The following MAML3 variants were observed in gnomAD, a reference collection of about 807,000 sequenced individuals.
MAML3 encodes the protein mastermind like transcriptional coactivator 3.
Under a neutral mutation model 101.9 loss-of-function variants are expected in MAML3, and 27 were observed. The ratio of observed to expected loss-of-function variants is 0.27; its 90% CI spans 0.20 to 0.37. MAML3 has a LOEUF of 0.37. MAML3 is among the 10% of genes least tolerant of loss of function. The pLI is 1.00. For missense variants in MAML3, 1,316 were observed against 1,444.9 expected (o/e 0.91, Z 1.45); for synonymous variants, 501 against 555.9 (o/e 0.90, Z 1.39).
At chr4:139,927,430 C>T (rs1233982294) in intron 1 of MAML3, among the ~76,000 whole-genome samples, 1 of 152,160 alleles carries the variant, frequency 6.6e-6, no homozygotes, top group African/African-American at 2.4e-5. Flanking sequence ...AGCAAATAAG[C>T]ATTTTAAGTG....
chr4:140,028,145 G>T (rs750868614), intron 1 of MAML3, among the ~76,000 whole-genome samples: 26 of 152,138 alleles, frequency 1.7e-4, no homozygotes, highest in Non-Finnish European at 2.8e-4. Flanking sequence ...AGGGGCTCTT[G>T]TTCTGTGAAG....
At chr4:139,748,681 G>A (rs1205017378) in intron 2 of MAML3, among the ~76,000 whole-genome samples, 1 of 152,174 alleles carries the variant, frequency 6.6e-6, no homozygotes, top group Non-Finnish European at 1.5e-5. Context: ...TCTGGGGTAA[G>A]GAGCAAAAGC....
At chr4:140,008,362 AG>A (rs915926894) in intron 1 of MAML3, among the ~76,000 whole-genome samples, 38 of 152,274 alleles carry the variant, frequency 2.5e-4, no homozygotes, top group Admixed American at 3.3e-4. Context: ...AAAAAAAAAA[AG>A]AATCTTTAAA....
chr4:139,888,789 T>C (rs1297274072), intron 2 of MAML3, among the ~76,000 whole-genome samples: 3 of 152,268 alleles, frequency 2.0e-5, no homozygotes, highest in African/African-American at 7.2e-5. Flanking sequence ...GTTGCTAGTC[T>C]AGCAGCAAGT....
rs367727388 is a variant in MAML3 at position 139,719,674 on chromosome 4, G to T, written c.3066C>A (p.Asn1022Lys). ...DANTGTVRTL[N>K]PAAMGRQMMP... ...TCATCTGCCGACCCATGGCAGCTGG[G>T]TTGAGGGTCCTCACTGTGCCCGTGT... Residue 1022 changes from asparagine (N) to lysine (K), a missense_variant, in exon 5 of 5, where the codon AAC becomes AAA. Transcript: ENST00000509479. 2.4e-5 allele frequency: 39 copies of T among 1,613,258 alleles called. No homozygotes were observed. The highest frequency in any genetic ancestry group is 3.2e-5 in the Non-Finnish European group (38 of 1,179,708).
chr4:139,982,843 AT>A (rs1486280293), intron 1 of MAML3, among the ~76,000 whole-genome samples: 1 of 152,146 alleles, frequency 6.6e-6, no homozygotes, highest in Non-Finnish European at 1.5e-5. Flanking sequence ...CCATCTACTT[AT>A]TTAATCATTC....
chr4:140,004,077 C>T (rs1726394849), intron 1 of MAML3, among the ~76,000 whole-genome samples: 1 of 152,202 alleles, frequency 6.6e-6, no homozygotes, highest in Admixed American at 6.5e-5. Context: ...GCCCTTAATG[C>T]TTTACTTTGC....
chr4:140,113,489 T>C (rs1728471100), intron 1 of MAML3, among the ~76,000 whole-genome samples: 1 of 152,132 alleles, frequency 6.6e-6, no homozygotes, highest in African/African-American at 2.4e-5. Flanking sequence ...TGCACTGTAG[T>C]AGACTATTTC....
chr4:139,885,862 G>GGTGGA (rs1732322666), intron 2 of MAML3, among the ~76,000 whole-genome samples: 1 of 144,540 alleles, frequency 6.9e-6, no homozygotes, highest in South Asian at 2.3e-4. Context: ...GAACCCGGGA[G>GGTGGA]GTGGAGTTTG....
chr4:140,112,788 C>T (rs544620364), intron 1 of MAML3, among the ~76,000 whole-genome samples: 6 of 152,238 alleles, frequency 3.9e-5, no homozygotes, highest in South Asian at 4.1e-4. Context: ...TTCCACTTGT[C>T]GGGAAAATTG....
At chr4:140,105,134 T>C (rs562225118) in intron 1 of MAML3, among the ~76,000 whole-genome samples, 1 of 152,258 alleles carries the variant, frequency 6.6e-6, no homozygotes, top group South Asian at 2.1e-4. Context: ...AGACCCTCCA[T>C]GTTCCTCAAA....
chr4:140,077,955 T>G (rs1353442713), intron 1 of MAML3, among the ~76,000 whole-genome samples: 1 of 151,624 alleles, frequency 6.6e-6, no homozygotes, highest in Non-Finnish European at 1.5e-5. Context: ...GAGGCAGAGG[T>G]TGCAGTGAGC....
chr4:140,015,390 T>C (rs532677354), intron 1 of MAML3, among the ~76,000 whole-genome samples: 27 of 152,312 alleles, frequency 1.8e-4, no homozygotes, highest in African/African-American at 6.3e-4. Context: ...CTCTATAATT[T>C]CTTAAGGTAA....
chr4:139,811,406 GT>G (rs1730795902), intron 2 of MAML3, among the ~76,000 whole-genome samples: 1 of 152,190 alleles, frequency 6.6e-6, no homozygotes, highest in South Asian at 2.1e-4. Context: ...CTGCTCTGGA[GT>G]TACGGTCTGG....
chr4:140,128,986 GT>G (rs1357261904), intron 1 of MAML3, among the ~76,000 whole-genome samples: 7 of 152,050 alleles, frequency 4.6e-5, no homozygotes, highest in Non-Finnish European at 8.8e-5. Flanking sequence ...ACATCGAGAG[GT>G]CATCAGAGTC....
intron 1 of MAML3, among the ~76,000 whole-genome samples, chr4:140,140,762 C>T (rs999130883): frequency 6.6e-6 from 1 of 152,162 alleles, no homozygotes; most frequent in African/African-American, 2.4e-5. Flanking sequence ...CCACATGTAC[C>T]TTGTACAAGG....
intron 2 of MAML3, among the ~76,000 whole-genome samples, chr4:139,752,391 A>G (rs1374485411): frequency 6.6e-6 from 1 of 152,184 alleles, no homozygotes; most frequent in Non-Finnish European, 1.5e-5. Context: ...CAGGTCTAGC[A>G]TGGCGGACCC....
intron 1 of MAML3, among the ~76,000 whole-genome samples, chr4:139,991,118 A>C (rs1435632820): frequency 6.6e-6 from 1 of 152,190 alleles, no homozygotes; most frequent in Non-Finnish European, 1.5e-5. Flanking sequence ...AAAAGAACAA[A>C]GCTGGAGGTA....
At chr4:139,981,118 T>C (rs577335437) in intron 1 of MAML3, among the ~76,000 whole-genome samples, 8 of 152,240 alleles carry the variant, frequency 5.3e-5, no homozygotes, top group African/African-American at 1.9e-4. Context: ...CGTTCTGGAG[T>C]CTGGAAGCCC....
Sources: gnomAD v4.1 joint callset for allele counts (sites outside exome capture counted in the v4.1 genomes callset) on GRCh38, gnomAD v4.1.1 for gene constraint, MANE v1.5 for transcripts, NCBI Gene and HGNC (gene_info 2026-07-23, HGNC 2026-07-21) for gene names.